The following SP140 variants were observed in gnomAD, a reference collection of about 807,000 sequenced individuals.
SP140 encodes SP140 nuclear body protein, also known as nuclear body protein SP140.
SP140 carries 81 observed loss-of-function variants against 125.0 expected under a neutral mutation model. That is an observed-to-expected ratio of 0.65 (90% CI 0.54 to 0.78). The LOEUF (loss-of-function observed/expected upper bound fraction) is 0.78. SP140 is among the 30% of genes least tolerant of loss of function. SP140 has a pLI of 0.00. For synonymous variants in SP140, 312 were observed against 354.0 expected, an observed-to-expected ratio of 0.88 and a Z score of 1.33; for missense variants, 858 against 1,037.0, an observed-to-expected ratio of 0.83 and a Z score of 2.37.
At chr2:230,260,956 G>GT (rs2052137331) in intron 12 of SP140, among the ~76,000 whole-genome samples, 1 of 152,176 alleles carries the variant, frequency 6.6e-6, no homozygotes, top group Non-Finnish European at 1.5e-5. Flanking sequence ...TTTTAGAGGT[G>GT]TTTTTTCTAA....
At chr2:230,300,039 A>T (rs568249787) in intron 22 of SP140, among the ~76,000 whole-genome samples, 1 of 152,112 alleles carries the variant, frequency 6.6e-6, no homozygotes, top group South Asian at 2.1e-4. Context: ...GTAGCTGAAG[A>T]CAAAAGACAG....
At chr2:230,243,963 T>C in intron 5 of SP140, 152 bp downstream of exon 5, 1 of 567,648 alleles carries the variant, frequency 1.8e-6, no homozygotes, top group Non-Finnish European at 3.2e-6. Context: ...TAAATTTTCC[T>C]AAGTGTATGT....
chr2:230,260,439 A>G (rs929519213), intron 12 of SP140, among the ~76,000 whole-genome samples: 11 of 152,064 alleles, frequency 7.2e-5, no homozygotes, highest in Non-Finnish European at 1.2e-4. Flanking sequence ...AAAAGCTCTT[A>G]GGTTTAATTA....
intron 22 of SP140, among the ~76,000 whole-genome samples, chr2:230,297,817 A>G (rs1305431411): frequency 7.9e-5 from 12 of 152,218 alleles, no homozygotes; most frequent in African/African-American, 2.9e-4. Context: ...ATGTGAGAGG[A>G]TAACAGCATT....
At chr2:230,310,496 GA>G (rs2059242101) in intron 23 of SP140, 1 of 837,208 alleles carries the variant, frequency 1.2e-6, no homozygotes, top group Non-Finnish European at 1.8e-6. Context: ...CTCAGACAGA[GA>G]AAGGAGAGTC....
intron 9 of SP140, among the ~76,000 whole-genome samples, chr2:230,250,769 G>T (rs1015795267): frequency 5.3e-5 from 8 of 152,264 alleles, no homozygotes; most frequent in Middle Eastern, 6.8e-3. Context: ...AGGAGTCCAG[G>T]CAGCAAGTGA....
chr2:230,259,687 A>G (rs1413312512), intron 12 of SP140, among the ~76,000 whole-genome samples: 6 of 118,826 alleles, frequency 5.0e-5, no homozygotes, highest in East Asian at 2.6e-4. Context: ...ACTCCATCTC[A>G]AAAAAAAAAA....
upstream of SP140, among the ~76,000 whole-genome samples, chr2:230,198,364 G>A (rs1280063828): frequency 6.6e-6 from 1 of 152,160 alleles, no homozygotes; most frequent in Middle Eastern, 3.2e-3. Flanking sequence ...CTTTCCAAGT[G>A]TCTGGGAAGG....
chr2:230,290,629 TATC>T, intron 19 of SP140, 65 bp downstream of exon 19: 1 of 1,324,862 alleles, frequency 7.5e-7, no homozygotes, highest in South Asian at 1.2e-5. Context: ...AGTGGGGAAT[TATC>T]ATGTGAATTA....
At chr2:230,222,613 A>T (rs1246806207), upstream of SP140, among the ~76,000 whole-genome samples, 1 of 151,822 alleles carries the variant, frequency 6.6e-6, no homozygotes, top group South Asian at 2.1e-4. Flanking sequence ...GGTCCCCGCT[A>T]TCAGGGAGAC....
chr2:230,232,130 C>T (rs1392940947), intron 1 of SP140, among the ~76,000 whole-genome samples: 2 of 152,172 alleles, frequency 1.3e-5, no homozygotes, highest in African/African-American at 4.8e-5. Flanking sequence ...ATGGAGAATG[C>T]TTTGGCTTTT....
intron 12 of SP140, among the ~76,000 whole-genome samples, chr2:230,261,239 T>G (rs537542057): frequency 7.9e-5 from 12 of 152,166 alleles, no homozygotes; most frequent in Non-Finnish European, 1.8e-4. Context: ...GAGTTCTTGA[T>G]TTGATTCTCT....
intron 3 of SP140, 119 bp downstream of exon 3, chr2:230,238,500 C>A: frequency 1.0e-6 from 1 of 988,688 alleles, no homozygotes; most frequent in Non-Finnish European, 1.5e-6. Context: ...CATGCCAAGC[C>A]CAGGGGGAAT....
At chr2:230,288,509 CTTTCTTTCT>C (rs879630777) in intron 18 of SP140, among the ~76,000 whole-genome samples, 1,408 of 116,102 alleles carry the variant, frequency 0.012, 17 homozygotes, top group South Asian at 0.039. Flanking sequence ...TTCTTTCTTT[CTTTCTTTCT>C]TTCTTTTTTT....
rs546444329 is a variant in SP140 at position 230,255,544 on chromosome 2, G to T, written c.1240+12G>T. 2.5e-4 allele frequency: 409 copies of T among 1,610,252 alleles called. 1 individual carries two copies. Among genetic ancestry groups the T allele is most frequent in the South Asian group, 3.6e-4 (33 of 90,704 alleles). Reference sequence around the variant, plus strand: ...AAGACGTGGGTCAGGTAAGGACGGGGGGGGGGATTTCTGGCCCTGGGCTGC... The same window carrying T: ...AAGACGTGGGTCAGGTAAGGACGGGTGGGGGGATTTCTGGCCCTGGGCTGC... On this transcript the variant is annotated intron_variant, in intron 12 of 26. Coordinates refer to ENST00000392045, the MANE Select transcript of SP140 (RefSeq NM_007237.5).
intron 1 of SP140, among the ~76,000 whole-genome samples, chr2:230,236,035 C>T (rs553029734): frequency 6.6e-6 from 1 of 152,140 alleles, no homozygotes; most frequent in East Asian, 1.9e-4. Flanking sequence ...TGCCACCATG[C>T]CCGGCTAATT....
At chr2:230,219,765 C>T in intron 3 of SP140, 1 of 223,862 alleles carries the variant, frequency 4.5e-6, no homozygotes, top group South Asian at 1.6e-4. Flanking sequence ...CTGAGAGAGC[C>T]TCAGAGTTTA....
At chr2:230,256,420 A>G (rs1457339312) in intron 12 of SP140, among the ~76,000 whole-genome samples, 2 of 151,834 alleles carry the variant, frequency 1.3e-5, no homozygotes, top group African/African-American at 4.8e-5. Flanking sequence ...AACTATCACA[A>G]GGACAAAAAA....
At chr2:230,298,290 CCTT>C (rs1183486303) in intron 22 of SP140, among the ~76,000 whole-genome samples, 3 of 152,156 alleles carry the variant, frequency 2.0e-5, no homozygotes, top group Non-Finnish European at 2.9e-5. Context: ...GGCCGGGTCA[CCTT>C]CTTGCACAAC....
Sources: gnomAD v4.1 joint callset for allele counts (sites outside exome capture counted in the v4.1 genomes callset) on GRCh38, gnomAD v4.1.1 for gene constraint, MANE v1.5 for transcripts, NCBI Gene and HGNC (gene_info 2026-07-23, HGNC 2026-07-21) for gene names.